Variants in NUP153 observed in about 807,000 individuals in gnomAD.
NUP153 encodes nucleoporin 153.
NUP153 carries 27 observed loss-of-function variants against 134.6 expected under a neutral mutation model. The ratio of observed to expected loss-of-function variants is 0.20; its 90% confidence interval spans 0.15 to 0.28. NUP153 has a LOEUF of 0.28. NUP153 is among the 10% of genes least tolerant of loss of function. The probability of loss-of-function intolerance (pLI) is 1.00; values close to 1 mark genes in which losing one functional copy is unlikely to be tolerated. For synonymous variants in NUP153, 640 were observed against 623.5 expected (o/e 1.03, Z -0.40); for missense variants, 1,821 against 1,731.3 (o/e 1.05, Z -0.92).
intron 11 of NUP153, among the ~76,000 whole-genome samples, chr6:17,655,673 C>CG (rs1766771682): frequency 6.6e-6 from 1 of 151,590 alleles, no homozygotes; most frequent in South Asian, 2.1e-4. Context: ...AGGCTGGTCT[C>CG]GAGCTCCTGA....
intron 9 of NUP153, among the ~76,000 whole-genome samples, 200 bp downstream of exon 9, chr6:17,665,039 T>TG (rs1235794005): frequency 1.6e-4 from 1 of 6,382 alleles, no homozygotes; most frequent in Non-Finnish European, 1.0e-3. Context: ...GGAGACAGAG[T>TG]GAGACTCCGT....
At chr6:17,649,700 G>T (rs1409717111) in intron 11 of NUP153, among the ~76,000 whole-genome samples, 2 of 152,186 alleles carry the variant, frequency 1.3e-5, no homozygotes, top group African/African-American at 4.8e-5. Flanking sequence ...TTTTGAGAGA[G>T]AAAGAGACTA....
At chr6:17,641,827 G>A (rs1765857604) in intron 14 of NUP153, among the ~76,000 whole-genome samples, 1 of 117,684 alleles carries the variant, frequency 8.5e-6, no homozygotes, top group Non-Finnish European at 1.8e-5. Context: ...ACTCCAGGTT[G>A]GGAGACAGAG....
intron 2 of NUP153, among the ~76,000 whole-genome samples, chr6:17,684,620 T>C (rs548878747): frequency 6.6e-6 from 1 of 152,342 alleles, no homozygotes; most frequent in South Asian, 2.1e-4. Context: ...AACTTTTCCT[T>C]TGCATTCACA....
Position 17,638,598 on chromosome 6 carries a change from A to G in NUP153, c.1847-828T>C, listed in dbSNP as rs1765681529. Among the ~76,000 whole-genome samples the G allele has an allele frequency of 6.6e-6, 1 of 152,230 alleles. No individual in the cohort carries two copies. Among genetic ancestry groups the G allele is most frequent in the African/African-American group, 2.4e-5 (1 of 41,456 alleles). On this transcript the variant is annotated intron_variant, in intron 15 of 21. Coordinates refer to ENST00000262077, the MANE Select transcript of NUP153 (RefSeq NM_005124.4). The surrounding 1 kb of genome is among the most constrained non-coding windows in gnomAD (Gnocchi z 4.0). ...AATTTAAATCACTAAGATTGGCAAGATATTAACAGTAACCATCTCAAGGCA... is the reference window on the plus strand; with the variant it reads ...AATTTAAATCACTAAGATTGGCAAGGTATTAACAGTAACCATCTCAAGGCA...
rs1330138305 is a variant in NUP153, at chr6:17,706,434, G to A, written c.-47C>T. The A allele has an allele frequency of 2.7e-6, 4 of 1,490,574 alleles. No homozygotes were observed. The highest frequency in any genetic ancestry group is 3.7e-6 in the Non-Finnish European group (4 of 1,080,206). The allele number at this position is 1,490,574 out of a possible 1,614,324, so 92.3% of individuals were successfully genotyped here. ...CGCTCCGGGGCGGGTAAGGGGGCGGGAGAGGCAGAGGCGGAGGCCTTAGAG... is the reference window on the plus strand; with the variant it reads ...CGCTCCGGGGCGGGTAAGGGGGCGGAAGAGGCAGAGGCGGAGGCCTTAGAG... On this transcript the variant is annotated 5_prime_UTR_variant, in exon 1 of 22. Transcript: ENST00000262077. The surrounding 1 kb of genome is among the most constrained non-coding windows in gnomAD (Gnocchi z 5.9).
intron 8 of NUP153, 117 bp from the exon 9 acceptor site, chr6:17,665,502 A>T: frequency 1.4e-6 from 1 of 728,168 alleles, no homozygotes. Context: ...AGAGAAATAT[A>T]CAGTAGATAC....
chr6:17,676,345 C>T (rs553824939), intron 2 of NUP153, among the ~76,000 whole-genome samples: 4 of 152,144 alleles, frequency 2.6e-5, no homozygotes, highest in Non-Finnish European at 4.4e-5. Flanking sequence ...CTAAACCATA[C>T]TAAATTCCCA....
intron 14 of NUP153, among the ~76,000 whole-genome samples, chr6:17,645,258 AAAG>A (rs1020566698): frequency 7.2e-5 from 11 of 151,978 alleles, no homozygotes; most frequent in African/African-American, 2.7e-4. Context: ...AAAAAAAAAA[AAAG>A]AATTCTATGT....
intron 20 of NUP153, among the ~76,000 whole-genome samples, chr6:17,618,773 A>G (rs183774289): frequency 1.3e-3 from 201 of 152,218 alleles, no homozygotes; most frequent in African/African-American, 3.4e-3. Flanking sequence ...TCACCGTGTT[A>G]GCCAGGATGG....
chr6:17,675,763 T>C lies in NUP153; in HGVS notation c.342A>G (p.Ser114=), dbSNP rs144924068. 132 of 1,613,278 alleles carry C rather than the reference T, an allele frequency of 8.2e-5. No homozygotes were observed. In the African/African-American group the frequency reaches 1.6e-3, roughly 19 times the overall value. Residue 114 remains serine (S), a synonymous_variant, in exon 3 of 22, where the codon TCA becomes TCG. Transcript: ENST00000262077. This position sits in a 1 kb window ranked among gnomAD's most constrained non-coding sequence, Gnocchi z 4.4. ...EPAVSNTEEP[S]TTSTASNYPD... ...GATAATTTGAAGCAGTACTAGTTGT[T>C]GAAGGTTCTTAAAAGAAAAGCATTA...
intron 5 of NUP153, among the ~76,000 whole-genome samples, chr6:17,673,161 G>A (rs1194611683): frequency 1.3e-5 from 2 of 152,168 alleles, no homozygotes; most frequent in African/African-American, 4.8e-5. Context: ...AAGGTCAAGA[G>A]TTCGAGACCA....
Position 17,629,064 on chromosome 6 carries a change from C to T in NUP153, c.3135G>A (p.Lys1045=). Reference sequence around the variant, plus strand: ...CTATGGTTCCAAGGTTGAAGCTGCTCTTGTTCTCAGAGGTCACTATGGTGT... The same window carrying T: ...CTATGGTTCCAAGGTTGAAGCTGCTTTTGTTCTCAGAGGTCACTATGGTGT... The part of the protein sequence containing the change: ...PANTIVTSEN[K]SSFNLGTIET... Residue 1045 remains lysine (K), a synonymous_variant, in exon 18 of 22, where the codon AAG becomes AAA. Coordinates refer to ENST00000262077, the MANE Select transcript of NUP153 (RefSeq NM_005124.4). 6.2e-7 allele frequency: 1 copy of T among 1,614,166 alleles called. No homozygotes were observed. Among genetic ancestry groups the T allele is most frequent in the South Asian group, 1.1e-5 (1 of 91,084 alleles).
At position 17,624,715 on chromosome 6, in the gene NUP153, G is replaced by A. The variant is rs200915978; in HGVS notation, c.4020C>T (p.Gly1340=). The part of the protein sequence containing the change: ...SQGASQPNPP[G]FGSISSSTAL... ...CTGTGGAAGATGATATAGATCCAAA[G>A]CCTGGGGGATTGGGCTGGCTGGCAC... is the stretch of plus-strand genomic sequence containing the variant. The change falls in exon 20 of 22, where the codon GGC becomes GGT. Residue 1340 remains glycine, a synonymous_variant. Coordinates refer to ENST00000262077, the MANE Select transcript of NUP153 (RefSeq NM_005124.4). The A allele has an allele frequency of 1.2e-6, 2 of 1,614,174 alleles. No homozygotes were observed. Among genetic ancestry groups the A allele is most frequent in the Admixed American group, 3.3e-5 (2 of 60,024 alleles).
At chr6:17,674,299 T>C (rs1465867264) in intron 5 of NUP153, among the ~76,000 whole-genome samples, 1 of 152,092 alleles carries the variant, frequency 6.6e-6, no homozygotes, top group Non-Finnish European at 1.5e-5. Context: ...TCTAAAACAA[T>C]GAAAAATTGT....
At chr6:17,654,698 C>T (rs1005127322) in intron 11 of NUP153, among the ~76,000 whole-genome samples, 3 of 152,080 alleles carry the variant, frequency 2.0e-5, no homozygotes, top group Non-Finnish European at 4.4e-5. Flanking sequence ...TCCCACTAAT[C>T]TAAGAGGAAA....
intron 5 of NUP153, among the ~76,000 whole-genome samples, chr6:17,671,256 CTG>C (rs1416747588): frequency 6.6e-6 from 1 of 151,970 alleles, no homozygotes; most frequent in African/African-American, 2.4e-5. Context: ...AAATAATAGT[CTG>C]TTGCTGTCTT....
chr6:17,682,080 C>G (rs572524992), intron 2 of NUP153, among the ~76,000 whole-genome samples: 4 of 152,070 alleles, frequency 2.6e-5, no homozygotes, highest in Admixed American at 2.6e-4. Flanking sequence ...CATGGCAGCA[C>G]GCTCTTGTAG....
chr6:17,705,590 G>C lies in NUP153; in HGVS notation c.111+687C>G, dbSNP rs900894561. 1.5e-4 allele frequency among the ~76,000 whole-genome samples: 22 copies of C among 150,332 alleles called. No individual in the cohort carries two copies. The East Asian group carries it at 2.6e-3, about 17-fold the overall frequency. Reference sequence around the variant, plus strand: ...AAAGGCGGGGGTGGCGGTGTTGGGGGGGGGGAGGGGAGTCGCGCAGCAGAG... The same window carrying C: ...AAAGGCGGGGGTGGCGGTGTTGGGGCGGGGGAGGGGAGTCGCGCAGCAGAG... On this transcript the variant is annotated intron_variant, in intron 1 of 21. Coordinates refer to ENST00000262077, the MANE Select transcript of NUP153 (RefSeq NM_005124.4).
Sources: allele counts gnomAD v4.1 joint callset (sites outside exome capture counted in the v4.1 genomes callset), GRCh38; gene constraint gnomAD v4.1.1; non-coding constraint Gnocchi (gnomAD v3.1); transcripts MANE v1.5; gene names NCBI Gene and HGNC (gene_info 2026-07-23, HGNC 2026-07-21).